The following SLC41A2 variants were observed in gnomAD, a reference collection of about 807,000 sequenced individuals.
SLC41A2 encodes the protein solute carrier family 41 member 2.
SLC41A2 carries 32 observed loss-of-function variants against 58.3 expected under a neutral mutation model. That is an observed-to-expected ratio of 0.55 (90% CI 0.41 to 0.74). The LOEUF (loss-of-function observed/expected upper bound fraction) is 0.74. Among genes scored for constraint, SLC41A2 ranks in the 30% least tolerant of loss-of-function variants. SLC41A2 has a pLI of 0.00. For synonymous variants in SLC41A2, 190 were observed against 235.0 expected, an observed-to-expected ratio of 0.81 and a Z score of 1.75; for missense variants, 514 against 680.6, an observed-to-expected ratio of 0.76 and a Z score of 2.72.
At chr12:104,814,049 T>C (rs897065429) in intron 10 of SLC41A2, among the ~76,000 whole-genome samples, 14 of 152,206 alleles carry the variant, frequency 9.2e-5, no homozygotes, top group Admixed American at 3.3e-4. Context: ...TTTACACATA[T>C]TTATGTATGT....
At chr12:104,831,290 A>G (rs2042026317) in intron 10 of SLC41A2, among the ~76,000 whole-genome samples, 1 of 152,076 alleles carries the variant, frequency 6.6e-6, no homozygotes, top group South Asian at 2.1e-4. Flanking sequence ...TAAAAATAAA[A>G]TGTCTTAAAC....
At chr12:104,814,267 A>T (rs373257301) in intron 10 of SLC41A2, among the ~76,000 whole-genome samples, 5 of 152,046 alleles carry the variant, frequency 3.3e-5, no homozygotes, top group African/African-American at 1.2e-4. Flanking sequence ...AGCCCCCTGT[A>T]GACCCAACTA....
rs116730524 is a variant in SLC41A2, at chr12:104,918,471, G to A, written c.556-8709C>T. 4.1e-3 allele frequency among the ~76,000 whole-genome samples: 626 copies of A among 152,118 alleles called. 6 individuals are homozygous for A. Among genetic ancestry groups the A allele is most frequent in the African/African-American group, 0.014 (595 of 41,512 alleles). On this transcript the variant is annotated intron_variant, in intron 2 of 10. Transcript: ENST00000258538. ...GCATTATCTGTCTGAGAAGAATTTG[G>A]TAAATCTGTGTGTACCTACAGTGAA...
chr12:104,878,100 C>T (rs1240030953), intron 6 of SLC41A2, among the ~76,000 whole-genome samples: 2 of 151,762 alleles, frequency 1.3e-5, no homozygotes, highest in Non-Finnish European at 2.9e-5. Flanking sequence ...TCTGGAATCT[C>T]ATAGTACTTA....
At chr12:104,848,158 A>G (rs2042675752) in intron 8 of SLC41A2, among the ~76,000 whole-genome samples, 1 of 152,228 alleles carries the variant, frequency 6.6e-6, no homozygotes, top group African/African-American at 2.4e-5. Flanking sequence ...TTTCCATAAC[A>G]GAAAAGTAAG....
intron 10 of SLC41A2, among the ~76,000 whole-genome samples, chr12:104,805,715 AAC>A (rs1229534348): frequency 6.6e-6 from 1 of 152,320 alleles, no homozygotes; most frequent in East Asian, 1.9e-4. Flanking sequence ...GGAATTATTT[AAC>A]AGTCTCCTGC....
intron 6 of SLC41A2, among the ~76,000 whole-genome samples, chr12:104,867,423 G>A (rs970829539): frequency 1.3e-5 from 2 of 151,802 alleles, no homozygotes; most frequent in Non-Finnish European, 2.9e-5. Flanking sequence ...AGTTTGCCTC[G>A]CAGTCCTATA....
At chr12:104,838,209 T>C (rs938008463) in intron 10 of SLC41A2, among the ~76,000 whole-genome samples, 3 of 152,244 alleles carry the variant, frequency 2.0e-5, no homozygotes, top group African/African-American at 7.2e-5. Context: ...CATGTTCTAC[T>C]GGATGAGAAA....
At chr12:104,853,911 A>ATTATTATTATTTTTTTTTTTTTTTTTT in intron 8 of SLC41A2, among the ~76,000 whole-genome samples, 1 of 59,494 alleles carries the variant, frequency 1.7e-5, no homozygotes, top group Non-Finnish European at 3.2e-5. Flanking sequence ...TGCCTGGCTG[A>ATTATTATTATTTTTTTTTTTTTTTTTT]TTTTTTTTTT....
intron 10 of SLC41A2, among the ~76,000 whole-genome samples, chr12:104,838,252 G>A (rs1039259360): frequency 6.6e-6 from 1 of 152,208 alleles, no homozygotes; most frequent in Non-Finnish European, 1.5e-5. Flanking sequence ...TGCACTGTTA[G>A]TGTCGTAGGT....
At chr12:104,841,252 T>C (rs1006015886) in intron 10 of SLC41A2, among the ~76,000 whole-genome samples, 6 of 152,158 alleles carry the variant, frequency 3.9e-5, no homozygotes, top group Non-Finnish European at 5.9e-5. Flanking sequence ...TTTTAATTGT[T>C]TTTATTTTGG....
In SLC41A2 at chr12:104,954,108, T is replaced by C. The variant is rs376780754; in HGVS notation, c.-168+3980A>G. ...ATCTAAAGCTTTCCATTTTTTAACA[T>C]CCTCACTTTTAGAAGTAGGGCAAAC... On this transcript the variant is annotated intron_variant, in intron 1 of 10. Coordinates refer to ENST00000258538, the MANE Select transcript of SLC41A2 (RefSeq NM_001352171.3). Among the ~76,000 whole-genome samples, 45 of 152,326 alleles carry C rather than the reference T, an allele frequency of 3.0e-4. 1 individual carries two copies. The South Asian group carries it at 3.1e-3, about 11-fold the overall frequency.
chr12:104,816,956 T>G (rs2041434030), intron 10 of SLC41A2, among the ~76,000 whole-genome samples: 1 of 152,240 alleles, frequency 6.6e-6, no homozygotes, highest in South Asian at 2.1e-4. Context: ...TATACAATTA[T>G]GCTTTGCTTA....
At chr12:104,950,678 A>G (rs903602171) in intron 1 of SLC41A2, among the ~76,000 whole-genome samples, 3 of 152,120 alleles carry the variant, frequency 2.0e-5, no homozygotes, top group African/African-American at 7.2e-5. Context: ...CTTTATTTTT[A>G]ATGCAGAGGA....
chr12:104,948,489 C>T (rs78094854), intron 1 of SLC41A2, among the ~76,000 whole-genome samples: 5,813 of 152,226 alleles, frequency 0.038, 155 homozygotes, highest in East Asian at 0.1. Flanking sequence ...TATATACTGA[C>T]CTCATTTTAT....
chr12:104,900,902 C>A (rs1457735745), intron 3 of SLC41A2, among the ~76,000 whole-genome samples: 3 of 152,158 alleles, frequency 2.0e-5, no homozygotes, highest in Non-Finnish European at 1.5e-5. Flanking sequence ...ATTTTGCCAA[C>A]TTCTTCATAT....
intron 1 of SLC41A2, among the ~76,000 whole-genome samples, chr12:104,941,651 A>C (rs2047517257): frequency 6.6e-6 from 1 of 152,240 alleles, no homozygotes; most frequent in Non-Finnish European, 1.5e-5. Flanking sequence ...GTGTCCAAAG[A>C]ACTAAGTGGA....
Position 104,805,072 on chromosome 12 carries a change from T to C in SLC41A2, c.*80A>G. ...CCCTGGCAAAAGTCAAACTACTGAT[T>C]TAAGAGTTTTGAAAAAGAGCCATAA... On this transcript the variant is annotated 3_prime_UTR_variant, in exon 11 of 11. Coordinates refer to ENST00000258538, the MANE Select transcript of SLC41A2 (RefSeq NM_001352171.3). 8.0e-7 allele frequency: 1 copy of C among 1,248,248 alleles called. No individual in the cohort carries two copies. The highest frequency in any genetic ancestry group is 1.1e-6 in the Non-Finnish European group (1 of 913,372). 77.3% of individuals were successfully genotyped at this position (1,248,248 alleles called of 1,614,324 possible). A position where few individuals can be genotyped will look rare whatever the true frequency, so the allele number is the denominator to read the frequency against.
chr12:104,854,224 G>A (rs540023557), intron 8 of SLC41A2, among the ~76,000 whole-genome samples: 1 of 151,942 alleles, frequency 6.6e-6, no homozygotes, highest in South Asian at 2.1e-4. Context: ...AAAAAAAATT[G>A]ATTCAAACGG....
Sources: allele counts gnomAD v4.1 joint callset (sites outside exome capture counted in the v4.1 genomes callset), GRCh38; gene constraint gnomAD v4.1.1; transcripts MANE v1.5; gene names NCBI Gene and HGNC (gene_info 2026-07-23, HGNC 2026-07-21).